Variants in MYZAP observed in about 807,000 individuals in gnomAD.
MYZAP encodes the protein GRINL1A complex locus upstream.
MYZAP carries 66 observed loss-of-function variants against 69.4 expected under a neutral mutation model. The observed-to-expected ratio is 0.95, with a 90% CI of 0.78 to 1.17. The LOEUF (loss-of-function observed/expected upper bound fraction) is 1.17. Ranked by LOEUF, MYZAP falls within the 50% of genes most tolerant of loss-of-function variation. MYZAP has a pLI of 0.00. For synonymous variants in MYZAP, 256 were observed against 205.9 expected (o/e 1.24, Z -2.09); for missense variants, 611 against 556.2 (o/e 1.10, Z -0.99).
At chr15:57,648,782 C>A (rs1368378540) in intron 10 of MYZAP, among the ~76,000 whole-genome samples, 1 of 133,776 alleles carries the variant, frequency 7.5e-6, no homozygotes, top group Non-Finnish European at 1.6e-5. Context: ...ACACTTGTTT[C>A]TGTTTTTTTT....
At chr15:57,633,375 TAAGGGAAAA>T (rs2036620096) in intron 7 of MYZAP, among the ~76,000 whole-genome samples, 2 of 152,026 alleles carry the variant, frequency 1.3e-5, no homozygotes, top group African/African-American at 2.4e-5. Flanking sequence ...TATAAAGACT[TAAGGGAAAA>T]AAGGGAAAAA....
At chr15:57,641,826 C>T (rs1410887926) in intron 10 of MYZAP, among the ~76,000 whole-genome samples, 2 of 152,038 alleles carry the variant, frequency 1.3e-5, no homozygotes, top group African/African-American at 2.4e-5. Flanking sequence ...AAGTTAGAAA[C>T]ATGGTCAAGG....
At chr15:57,633,833 C>G in intron 8 of MYZAP, 92 bp downstream of exon 8, 1 of 1,310,572 alleles carries the variant, frequency 7.6e-7, no homozygotes, top group Non-Finnish European at 9.8e-7. Context: ...ATGGATTCCT[C>G]TCACCTCCAA....
At chr15:57,681,123 T>C (rs1376517485) in intron 12 of MYZAP, among the ~76,000 whole-genome samples, 2 of 152,220 alleles carry the variant, frequency 1.3e-5, no homozygotes, top group Admixed American at 6.5e-5. Context: ...ATTTCTGCAT[T>C]TTATGGGCTT....
intron 8 of MYZAP, 103 bp from the exon 9 acceptor site, chr15:57,637,592 G>C: frequency 3.2e-6 from 4 of 1,266,744 alleles, no homozygotes; most frequent in Non-Finnish European, 3.3e-6. Flanking sequence ...AACCCAGGGG[G>C]TGTCATATAG....
chr15:57,650,885 C>G (rs1440350600), intron 10 of MYZAP, among the ~76,000 whole-genome samples: 1 of 152,150 alleles, frequency 6.6e-6, no homozygotes, highest in Non-Finnish European at 1.5e-5. Context: ...GAGCATTCAT[C>G]TAGTTTGGAT....
chr15:57,673,239 C>A (rs1335150836), intron 11 of MYZAP, among the ~76,000 whole-genome samples: 1 of 152,102 alleles, frequency 6.6e-6, no homozygotes, highest in African/African-American at 2.4e-5. Flanking sequence ...GTCTTTTAGG[C>A]CCCCTACCTA....
intron 10 of MYZAP, among the ~76,000 whole-genome samples, chr15:57,643,744 T>G (rs1443015145): frequency 3.3e-5 from 5 of 151,666 alleles, no homozygotes; most frequent in South Asian, 2.1e-4. Flanking sequence ...TTTTTTTGTT[T>G]TTTTTTTTTT....
intron 1 of MYZAP, among the ~76,000 whole-genome samples, chr15:57,596,016 T>C (rs2140310869): frequency 6.6e-6 from 1 of 152,304 alleles, no homozygotes; most frequent in East Asian, 1.9e-4. Flanking sequence ...ATGATGGTTG[T>C]AGGCTCAGAA....
rs192117563 is a variant in MYZAP, at chr15:57,644,729, G to A, written c.1119+5184G>A. On this transcript the variant is annotated intron_variant, in intron 10 of 12. Coordinates refer to ENST00000267853, the MANE Select transcript of MYZAP (RefSeq NM_001018100.5). ...AATCTTCCCATCTTGGCCTCTCAGA[G>A]TGTTGGGATTACAGGCGTGAGCCAC... Among the ~76,000 whole-genome samples, 667 of 152,322 alleles carry A rather than the reference G, an allele frequency of 4.4e-3. 4 individuals are homozygous for A. Among genetic ancestry groups the A allele is most frequent in the African/African-American group, 0.015 (630 of 41,562 alleles).
intron 12 of MYZAP, among the ~76,000 whole-genome samples, chr15:57,679,091 A>G (rs59624123): frequency 0.025 from 3,825 of 152,174 alleles, 170 homozygotes; most frequent in African/African-American, 0.088. Flanking sequence ...CAGGAGAATC[A>G]CTTGAACCCA....
chr15:57,591,974 C>G lies in MYZAP; in HGVS notation c.-61C>G. 1 of 1,339,934 alleles carries G rather than the reference C, an allele frequency of 7.5e-7. No homozygotes were observed. The highest frequency in any genetic ancestry group is 9.6e-7 in the Non-Finnish European group (1 of 1,047,044). The allele number at this position is 1,339,934 out of a possible 1,614,324, so 83.0% of individuals were successfully genotyped here. The stretch of plus-strand genomic sequence containing the variant: ...TCGCCCCCGCGCAGGGCGGGCCCCG[C>G]ACGCTTATTCTGCCCGGGAGGAACG... On this transcript the variant is annotated 5_prime_UTR_variant, in exon 1 of 13. Transcript: ENST00000267853.
intron 8 of MYZAP, among the ~76,000 whole-genome samples, chr15:57,635,708 A>T (rs58858089): frequency 6.6e-6 from 1 of 152,136 alleles, no homozygotes; most frequent in Non-Finnish European, 1.5e-5. Context: ...AATCTGTGAG[A>T]GCAGGAATCT....
intron 11 of MYZAP, among the ~76,000 whole-genome samples, chr15:57,670,321 C>G (rs1241904276): frequency 6.6e-6 from 1 of 151,956 alleles, no homozygotes; most frequent in African/African-American, 2.4e-5. Flanking sequence ...ATGAATTGAT[C>G]TTTACAATAT....
intron 10 of MYZAP, chr15:57,647,933 G>C: frequency 1.0e-6 from 1 of 985,262 alleles, no homozygotes; most frequent in South Asian, 4.7e-5. Context: ...CTGAAATCCT[G>C]CCCCGCCACC....
chr15:57,662,276 G>T (rs979694010), intron 11 of MYZAP, among the ~76,000 whole-genome samples: 1 of 152,228 alleles, frequency 6.6e-6, no homozygotes, highest in Admixed American at 6.5e-5. Flanking sequence ...TTCCTGAAAA[G>T]CTGGTTTGCC....
At chr15:57,628,614 C>T (rs557019957) in intron 5 of MYZAP, among the ~76,000 whole-genome samples, 1 of 152,224 alleles carries the variant, frequency 6.6e-6, no homozygotes, top group Admixed American at 6.5e-5. Context: ...ACTTGTGCGG[C>T]TTGGAGCAAA....
chr15:57,639,346 G>C (rs66739325), intron 9 of MYZAP, 94 bp from the exon 10 acceptor site: 82,344 of 1,341,720 alleles, frequency 0.061, 2,841 homozygotes, highest in African/African-American at 0.12. Flanking sequence ...CATGCTTGGC[G>C]CTCTTGGCAA....
chr15:57,681,839 T>C (rs759089792), intron 12 of MYZAP, among the ~76,000 whole-genome samples: 17 of 150,722 alleles, frequency 1.1e-4, no homozygotes, highest in Non-Finnish European at 2.1e-4. Context: ...ATGTTCAAGG[T>C]GTATATGGGG....
Sources: allele counts gnomAD v4.1 joint callset (sites outside exome capture counted in the v4.1 genomes callset), GRCh38; gene constraint gnomAD v4.1.1; transcripts MANE v1.5; gene names NCBI Gene and HGNC (gene_info 2026-07-23, HGNC 2026-07-21).